DPF3: variants seen among roughly 807,000 people sequenced by gnomAD.
DPF3 encodes the protein zinc finger protein DPF3.
Under a neutral mutation model 56.8 loss-of-function variants are expected in DPF3, and 18 were observed. The observed-to-expected ratio is 0.32, with a 90% confidence interval of 0.22 to 0.47. DPF3 has a LOEUF of 0.47. DPF3 is among the 20% of genes least tolerant of loss of function. DPF3 has a pLI of 1.00. For synonymous variants in DPF3, 188 were observed against 180.2 expected (o/e 1.04, Z -0.35); for missense variants, 403 against 488.8 (o/e 0.82, Z 1.65).
chr14:72,767,106 A>G (rs1474851493), intron 2 of DPF3, among the ~76,000 whole-genome samples: 1 of 152,256 alleles, frequency 6.6e-6, no homozygotes, highest in African/African-American at 2.4e-5. Context: ...ACAGAAGCCA[A>G]GTAGAGAAGA....
chr14:72,826,452 A>G (rs1291051346), intron 1 of DPF3, among the ~76,000 whole-genome samples: 1 of 152,178 alleles, frequency 6.6e-6, no homozygotes, highest in East Asian at 1.9e-4. Flanking sequence ...ACGCAAACCT[A>G]TAGGTGACAA....
intron 1 of DPF3, among the ~76,000 whole-genome samples, chr14:72,872,848 C>T (rs1350364763): frequency 6.6e-6 from 1 of 152,138 alleles, no homozygotes; most frequent in Non-Finnish European, 1.5e-5. Context: ...ATAAATGGTG[C>T]TGGGAAAACT....
At chr14:72,698,478 A>C (rs1328107255) in intron 6 of DPF3, among the ~76,000 whole-genome samples, 1 of 152,180 alleles carries the variant, frequency 6.6e-6, no homozygotes, top group Non-Finnish European at 1.5e-5. Flanking sequence ...CAGGAGTTGA[A>C]GACCAGCCTA....
At chr14:72,640,569 A>G (rs1885526999) in intron 8 of DPF3, among the ~76,000 whole-genome samples, 1 of 152,216 alleles carries the variant, frequency 6.6e-6, no homozygotes, top group East Asian at 1.9e-4. Flanking sequence ...AGGAGGAAAC[A>G]TTTGAGAGGT....
chr14:72,725,690 C>G (rs1171552975), intron 4 of DPF3, among the ~76,000 whole-genome samples: 1 of 152,136 alleles, frequency 6.6e-6, no homozygotes, highest in African/African-American at 2.4e-5. Flanking sequence ...GCACACACTG[C>G]ACTGTTGTCT....
intron 1 of DPF3, among the ~76,000 whole-genome samples, chr14:72,892,957 AAGGAAGGAAGGAAGGAAGGAAG>A (rs1886815966): frequency 3.1e-5 from 1 of 32,684 alleles, no homozygotes; most frequent in South Asian, 9.0e-4. Context: ...GGAAGGAAGG[AAGGAAGGAAGGAAGGAAGGAAG>A]GAAGGAAGGA....
At chr14:72,627,615 T>C (rs1459590953) in intron 9 of DPF3, among the ~76,000 whole-genome samples, 1 of 152,252 alleles carries the variant, frequency 6.6e-6, no homozygotes, top group East Asian at 1.9e-4. Context: ...TTTATCAGTA[T>C]TTTCTTGCCT....
At chr14:72,629,060 A>G (rs74062317) in intron 9 of DPF3, among the ~76,000 whole-genome samples, 3,672 of 152,326 alleles carry the variant, frequency 0.024, 145 homozygotes, top group African/African-American at 0.083. Context: ...AACTGAGGAA[A>G]TATGAGACGA....
At chr14:72,732,099 A>G (rs1272514700) in intron 3 of DPF3, among the ~76,000 whole-genome samples, 165 bp from the exon 4 acceptor site, 2 of 152,062 alleles carry the variant, frequency 1.3e-5, no homozygotes, top group Non-Finnish European at 1.5e-5. Context: ...CAGCTTTTCC[A>G]TCTCCATTTC....
At chr14:72,732,059 C>T in intron 3 of DPF3, 125 bp from the exon 4 acceptor site, 1 of 1,257,130 alleles carries the variant, frequency 8.0e-7, no homozygotes, top group Non-Finnish European at 1.1e-6. Flanking sequence ...CTCTCTCCTC[C>T]TGGAGGGAGA....
chr14:72,670,883 G>A (rs1039479166), intron 8 of DPF3: 22 of 1,217,030 alleles, frequency 1.8e-5, no homozygotes, highest in East Asian at 4.9e-5. Context: ...AGCGCATCAC[G>A]ATGCCATCTC....
intron 1 of DPF3, among the ~76,000 whole-genome samples, chr14:72,822,655 A>AG (rs1555510420): frequency 6.6e-6 from 1 of 152,170 alleles, no homozygotes. Flanking sequence ...TAGTGTTTAA[A>AG]TTTTTTACCA....
At chr14:72,771,486 C>A (rs183524380) in intron 2 of DPF3, among the ~76,000 whole-genome samples, 366 of 152,170 alleles carry the variant, frequency 2.4e-3, no homozygotes, top group African/African-American at 8.2e-3. Context: ...AGCTCTTTCA[C>A]TCCCCACCCC....
intron 5 of DPF3, among the ~76,000 whole-genome samples, chr14:72,719,034 T>C (rs772730650): frequency 6.7e-6 from 1 of 149,276 alleles, no homozygotes; most frequent in African/African-American, 2.5e-5. Flanking sequence ...CCTCCCAAAG[T>C]GCTGGGATTA....
At chr14:72,866,349 G>A (rs1599508228) in intron 1 of DPF3, among the ~76,000 whole-genome samples, 1 of 141,588 alleles carries the variant, frequency 7.1e-6, no homozygotes, top group Non-Finnish European at 1.6e-5. Flanking sequence ...TGCAGGATCA[G>A]TGCCAAACTT....
At position 72,838,898 on chromosome 14, in the gene DPF3, C is replaced by CATATATATATATATATATATATATATAT. The variant is rs1487324297; in HGVS notation, c.32+55158_32+55159insATATATATATATATATATATATATATAT. Among the ~76,000 whole-genome samples the CATATATATATATATATATATATATATAT allele has an allele frequency of 3.3e-4, 27 of 80,696 alleles. 3 individuals are homozygous for CATATATATATATATATATATATATATAT. The highest frequency in any genetic ancestry group is 4.4e-4 in the African/African-American group (9 of 20,330). The allele number at this position is 80,696 out of a possible 152,430, so 52.9% of individuals were successfully genotyped here. A position where few individuals can be genotyped will look rare whatever the true frequency, so the allele number is the denominator to read the frequency against. On this transcript the variant is annotated intron_variant, in intron 1 of 10. Coordinates refer to ENST00000556509, the MANE Select transcript of DPF3 (RefSeq NM_001280542.3). ...GCAAATTATCTATCATATATATTAT[C>CATATATATATATATATATATATATATAT]ATATATATTCTTTTTTTTTTTTTTT...
At chr14:72,881,294 C>T (rs1886310459) in intron 1 of DPF3, among the ~76,000 whole-genome samples, 1 of 151,034 alleles carries the variant, frequency 6.6e-6, no homozygotes, top group Admixed American at 6.6e-5. Flanking sequence ...AAATTCAGAG[C>T]TGTTGTTGTT....
intron 1 of DPF3, among the ~76,000 whole-genome samples, chr14:72,885,473 A>T: frequency 6.6e-6 from 1 of 151,946 alleles, no homozygotes; most frequent in Non-Finnish European, 1.5e-5. Flanking sequence ...GCGTGATCAC[A>T]GCTCACTGCA....
At chr14:72,709,856 C>A (rs942411590) in intron 6 of DPF3, among the ~76,000 whole-genome samples, 3 of 150,750 alleles carry the variant, frequency 2.0e-5, no homozygotes, top group Admixed American at 6.6e-5. Context: ...CTTAGCCTAG[C>A]GCTCTACACA....
Sources: allele counts gnomAD v4.1 joint callset (sites outside exome capture counted in the v4.1 genomes callset), GRCh38; gene constraint gnomAD v4.1.1; transcripts MANE v1.5; gene names NCBI Gene and HGNC (gene_info 2026-07-23, HGNC 2026-07-21).